TANC2: variants seen among roughly 807,000 people sequenced by gnomAD.
TANC2 encodes the protein protein TANC2.
In TANC2, 26 loss-of-function variants were observed where a neutral mutation model predicts 210.5. The observed-to-expected ratio is 0.12, with a 90% CI of 0.09 to 0.17. TANC2 has a LOEUF of 0.17. Among genes scored for constraint, TANC2 ranks in the 10% least tolerant of loss-of-function variants. TANC2 has a pLI of 1.00. For missense variants in TANC2, 2,129 were observed against 2,608.9 expected, an observed-to-expected ratio of 0.82 and a Z score of 4.01; for synonymous variants, 931 against 967.1, an observed-to-expected ratio of 0.96 and a Z score of 0.69.
At chr17:63,379,425 C>T (rs1315331095) in intron 14 of TANC2, among the ~76,000 whole-genome samples, 1 of 152,158 alleles carries the variant, frequency 6.6e-6, no homozygotes, top group Non-Finnish European at 1.5e-5. Context: ...CAGCTCATGC[C>T]TTTGGAGGCC....
chr17:63,308,718 G>A (rs2045011763), intron 9 of TANC2, among the ~76,000 whole-genome samples: 1 of 152,130 alleles, frequency 6.6e-6, no homozygotes, highest in South Asian at 2.1e-4. Context: ...TTCAATTGAT[G>A]TAGTTTAATT....
intron 5 of TANC2, among the ~76,000 whole-genome samples, chr17:63,164,562 T>C (rs2040142492): frequency 6.6e-6 from 1 of 152,134 alleles, no homozygotes; most frequent in African/African-American, 2.4e-5. Flanking sequence ...GCATTTATTA[T>C]GAGGGATTGT....
Position 63,418,203 on chromosome 17 carries a change from C to T in TANC2, c.4168-104C>T. ...GGCACGTCTAGCGTCCCAGGCGTTCCATCCATGAATGTCAAAAAATGTACA... is the reference window on the plus strand; with the variant it reads ...GGCACGTCTAGCGTCCCAGGCGTTCTATCCATGAATGTCAAAAAATGTACA... On this transcript the variant is annotated intron_variant, in intron 26 of 27. Coordinates refer to ENST00000689528, the Ensembl canonical transcript of TANC2. This position sits in a 1 kb window ranked among gnomAD's most constrained non-coding sequence, Gnocchi z 4.6. 1 of 1,202,652 alleles carries T rather than the reference C, an allele frequency of 8.3e-7. No individual in the cohort carries two copies. The highest frequency in any genetic ancestry group is 1.2e-6 in the Non-Finnish European group (1 of 849,200). 74.5% of individuals were successfully genotyped at this position (1,202,652 alleles called of 1,614,324 possible).
At chr17:63,389,747 TGA>T in intron 17 of TANC2, 5 of 593,466 alleles carry the variant, frequency 8.4e-6, no homozygotes, top group Non-Finnish European at 1.5e-5. Flanking sequence ...CTAAACCCTT[TGA>T]GAGGTGCTTG....
At chr17:63,354,760 T>C in intron 13 of TANC2, 23 bp from the exon 14 acceptor site, 1 of 1,536,598 alleles carries the variant, frequency 6.5e-7, no homozygotes, top group Non-Finnish European at 8.7e-7. Flanking sequence ...TTTCTGTCTC[T>C]TTCTCTCTCT....
intron 3 of TANC2, among the ~76,000 whole-genome samples, chr17:63,076,742 G>A (rs1184571439): frequency 1.3e-5 from 2 of 152,072 alleles, no homozygotes; most frequent in African/African-American, 2.4e-5. Flanking sequence ...ACATAAAAGA[G>A]TGATATTATG....
At chr17:63,182,007 G>T (rs1022447893) in intron 5 of TANC2, among the ~76,000 whole-genome samples, 1 of 152,206 alleles carries the variant, frequency 6.6e-6, no homozygotes, top group Admixed American at 6.5e-5. Flanking sequence ...CATTTCCACA[G>T]AATTCCTAAA....
intron 8 of TANC2, among the ~76,000 whole-genome samples, chr17:63,245,799 T>C (rs1287254715): frequency 1.4e-5 from 2 of 146,336 alleles, no homozygotes; most frequent in African/African-American, 5.1e-5. Flanking sequence ...GCTGAGATCG[T>C]GCCACTGCAC....
chr17:63,260,334 A>G (rs1159480487), intron 8 of TANC2, among the ~76,000 whole-genome samples: 1 of 152,256 alleles, frequency 6.6e-6, no homozygotes, highest in Admixed American at 6.5e-5. Context: ...TGCAGGCCAC[A>G]TGGCCTATAT....
intron 11 of TANC2, among the ~76,000 whole-genome samples, chr17:63,325,119 A>G (rs1286744831): frequency 1.3e-5 from 2 of 152,004 alleles, no homozygotes; most frequent in South Asian, 2.1e-4. Flanking sequence ...CTACTATAGG[A>G]TATTTAGAAG....
Position 63,246,739 on chromosome 17 carries a change from G to A in TANC2, c.1033+8662G>A, listed in dbSNP as rs534962425. On this transcript the variant is annotated intron_variant, in intron 8 of 27. Transcript: ENST00000689528. ...TTGATAGACATTGTTTCCAATTTTG[G>A]TCTATTGTGAATAGTGCTGCTGTGA... 1.3e-4 allele frequency among the ~76,000 whole-genome samples: 20 copies of A among 151,988 alleles called. No individual in the cohort carries two copies. In the South Asian group the frequency reaches 4.0e-3, roughly 30 times the overall value.
intron 5 of TANC2, among the ~76,000 whole-genome samples, chr17:63,192,078 A>G (rs1304918120): frequency 6.6e-6 from 1 of 152,198 alleles, no homozygotes; most frequent in African/African-American, 2.4e-5. Flanking sequence ...AAGATCAACA[A>G]ATAAGAAAAG....
intron 2 of TANC2, among the ~76,000 whole-genome samples, chr17:63,051,254 G>C (rs2035571712): frequency 6.6e-6 from 1 of 152,036 alleles, no homozygotes; most frequent in Admixed American, 6.6e-5. Flanking sequence ...CATACTTTCT[G>C]TGTTCTAGTT....
intron 8 of TANC2, among the ~76,000 whole-genome samples, chr17:63,245,801 C>T (rs1407633748): frequency 6.6e-6 from 1 of 151,084 alleles, no homozygotes; most frequent in African/African-American, 2.4e-5. Context: ...TGAGATCGTG[C>T]CACTGCACTC....
intron 4 of TANC2, among the ~76,000 whole-genome samples, chr17:63,139,235 A>G (rs576384793): frequency 2.0e-5 from 3 of 152,296 alleles, no homozygotes; most frequent in African/African-American, 2.4e-5. Flanking sequence ...TGTGTCCTTC[A>G]TACTGAACAC....
chr17:63,072,121 T>A (rs2036419039), intron 2 of TANC2, among the ~76,000 whole-genome samples: 1 of 152,154 alleles, frequency 6.6e-6, no homozygotes, highest in Non-Finnish European at 1.5e-5. Flanking sequence ...GAGAAAACTT[T>A]AGGATTTTTG....
At chr17:63,177,270 A>C in intron 5 of TANC2, among the ~76,000 whole-genome samples, 1 of 151,444 alleles carries the variant, frequency 6.6e-6, no homozygotes, top group African/African-American at 2.4e-5. Context: ...GTCTCAAAAA[A>C]AAAAAAAAAA....
chr17:63,389,721 G>T, intron 17 of TANC2, 177 bp downstream of exon 17: 1 of 659,316 alleles, frequency 1.5e-6, no homozygotes, highest in South Asian at 1.8e-5. Flanking sequence ...CATCCATCCT[G>T]CAGGAGCACA....
At chr17:62,970,760 T>G (rs971470436) in intron 1 of TANC2, among the ~76,000 whole-genome samples, 1 of 152,168 alleles carries the variant, frequency 6.6e-6, no homozygotes, top group Non-Finnish European at 1.5e-5. Context: ...TAGCTGAATA[T>G]TGTTGGATTG....
Sources: gnomAD v4.1 joint callset for allele counts (sites outside exome capture counted in the v4.1 genomes callset) on GRCh38, gnomAD v4.1.1 for gene constraint, Gnocchi (gnomAD v3.1) non-coding constraint, MANE v1.5 for transcripts, NCBI Gene and HGNC (gene_info 2026-07-23, HGNC 2026-07-21) for gene names.